The following TEAD1 variants were observed in gnomAD, a reference collection of about 807,000 sequenced individuals.
TEAD1 encodes the protein TEA domain transcription factor 1, also known as transcriptional enhancer factor TEF-1.
In TEAD1, 9 loss-of-function variants were observed where a neutral mutation model predicts 54.9. The ratio of observed to expected loss-of-function variants is 0.16; its 90% confidence interval spans 0.10 to 0.29. TEAD1 has a LOEUF of 0.29. Among genes scored for constraint, TEAD1 ranks in the 10% least tolerant of loss-of-function variants. The pLI, the probability that TEAD1 is intolerant of heterozygous loss-of-function variation, is 1.00. For synonymous variants in TEAD1, 200 were observed against 187.8 expected (o/e 1.07, Z -0.53); for missense variants, 387 against 535.9 (o/e 0.72, Z 2.74).
chr11:12,689,490 T>C (rs1943406364), intron 2 of TEAD1, among the ~76,000 whole-genome samples: 1 of 152,202 alleles, frequency 6.6e-6, no homozygotes, highest in Admixed American at 6.6e-5. Context: ...TTATGGGTTA[T>C]AGTGCAGGTT....
intron 3 of TEAD1, among the ~76,000 whole-genome samples, chr11:12,857,942 CT>C (rs1738602534): frequency 6.6e-6 from 1 of 152,016 alleles, no homozygotes; most frequent in Admixed American, 6.6e-5. Flanking sequence ...AAAAGTTGGT[CT>C]GGTATGGTGG....
chr11:12,875,011 C>G (rs1228778873), intron 5 of TEAD1, among the ~76,000 whole-genome samples: 1 of 152,214 alleles, frequency 6.6e-6, no homozygotes, highest in African/African-American at 2.4e-5. Flanking sequence ...CACGCACGCA[C>G]ACATACACAC....
intron 2 of TEAD1, among the ~76,000 whole-genome samples, chr11:12,724,736 C>A (rs1295107375): frequency 1.3e-5 from 2 of 152,288 alleles, no homozygotes; most frequent in Middle Eastern, 3.4e-3. Flanking sequence ...TCAGTGGGGG[C>A]CCTACTCTGG....
At chr11:12,852,297 A>G (rs903304591) in intron 3 of TEAD1, among the ~76,000 whole-genome samples, 4 of 152,158 alleles carry the variant, frequency 2.6e-5, no homozygotes, top group African/African-American at 9.7e-5. Flanking sequence ...TAGGAAGGCA[A>G]CATAACTAGA....
intron 2 of TEAD1, among the ~76,000 whole-genome samples, chr11:12,720,477 C>T (rs1944170696): frequency 1.3e-5 from 2 of 152,076 alleles, no homozygotes; most frequent in East Asian, 1.9e-4. Flanking sequence ...ATGCCAGGCC[C>T]CTGGTGAGTA....
rs1051625468 is a variant in TEAD1, at chr11:12,902,177, C to T, written c.873+64C>T. 5 of 1,589,722 alleles carry T rather than the reference C, an allele frequency of 3.1e-6. No individual in the cohort carries two copies. The African/African-American group carries it at 6.7e-5, about 21-fold the overall frequency. ...TGAATGGTCACATCTCTTACATGAGCACAGTGCAGCACAGCTGGCTTTGGA... is the reference window on the plus strand; with the variant it reads ...TGAATGGTCACATCTCTTACATGAGTACAGTGCAGCACAGCTGGCTTTGGA... On this transcript the variant is annotated intron_variant, in intron 10 of 12. Transcript: ENST00000527636.
At chr11:12,933,347 A>C (rs1949045496) in intron 12 of TEAD1, among the ~76,000 whole-genome samples, 1 of 152,214 alleles carries the variant, frequency 6.6e-6, no homozygotes, top group Non-Finnish European at 1.5e-5. Flanking sequence ...AACTGAAATT[A>C]AGCCAGCACT....
chr11:12,864,723 T>C, intron 4 of TEAD1, 115 bp from the exon 5 acceptor site: 9 of 1,603,540 alleles, frequency 5.6e-6, no homozygotes, highest in Non-Finnish European at 7.7e-6. Flanking sequence ...AGAAAGAAAG[T>C]TCGAGAAATT....
chr11:12,880,538 G>C (rs552407186), intron 6 of TEAD1, among the ~76,000 whole-genome samples: 86 of 152,322 alleles, frequency 5.6e-4, no homozygotes, highest in African/African-American at 1.9e-3. Flanking sequence ...CAGCAGGGAA[G>C]CTCGCTGCAG....
In TEAD1 at chr11:12,938,138, G is replaced by A. The variant is rs994612930; in HGVS notation, c.*916G>A. Reference sequence around the variant, plus strand: ...GTGTGCAGTTATATTTTATATGGACGACCAAATTTTTTATTAAGATGAGTA... The same window carrying A: ...GTGTGCAGTTATATTTTATATGGACAACCAAATTTTTTATTAAGATGAGTA... On this transcript the variant is annotated 3_prime_UTR_variant, in exon 13 of 13. Transcript: ENST00000527636. 6.6e-6 allele frequency: 1 copy of A among 152,400 alleles called. No individual in the cohort carries two copies. Among genetic ancestry groups the A allele is most frequent in the South Asian group, 2.1e-4 (1 of 4,814 alleles). 9.4% of individuals were successfully genotyped at this position (152,400 alleles called of 1,614,324 possible). A position where few individuals can be genotyped will look rare whatever the true frequency, so the allele number is the denominator to read the frequency against.
chr11:12,710,765 T>A (rs1323843512), intron 2 of TEAD1, among the ~76,000 whole-genome samples: 2 of 151,774 alleles, frequency 1.3e-5, no homozygotes, highest in African/African-American at 4.8e-5. Flanking sequence ...GCGTGACCGG[T>A]GTGAAGATGA....
chr11:12,820,058 G>T (rs1381984514), intron 3 of TEAD1, among the ~76,000 whole-genome samples: 1 of 151,742 alleles, frequency 6.6e-6, no homozygotes, highest in African/African-American at 2.4e-5. Context: ...GTGGGAAGGT[G>T]AAGGGGAGGT....
intron 3 of TEAD1, among the ~76,000 whole-genome samples, chr11:12,854,654 T>A (rs1947336336): frequency 6.6e-6 from 1 of 152,052 alleles, no homozygotes; most frequent in Admixed American, 6.6e-5. Context: ...TACAGTGGTG[T>A]GATCTTGGCT....
At chr11:12,759,212 G>C (rs1453725381) in intron 2 of TEAD1, among the ~76,000 whole-genome samples, 4 of 152,128 alleles carry the variant, frequency 2.6e-5, no homozygotes, top group African/African-American at 9.7e-5. Context: ...GCAAATTCCT[G>C]TGTCCTATCT....
At chr11:12,871,862 G>A (rs918892609) in intron 5 of TEAD1, among the ~76,000 whole-genome samples, 3 of 152,106 alleles carry the variant, frequency 2.0e-5, no homozygotes, top group Non-Finnish European at 4.4e-5. Context: ...TTCACGTCAG[G>A]CTCTGGATGT....
intron 6 of TEAD1, among the ~76,000 whole-genome samples, chr11:12,880,532 A>G (rs1430660377): frequency 6.6e-6 from 1 of 152,176 alleles, no homozygotes; most frequent in Non-Finnish European, 1.5e-5. Context: ...CAATCGCAGC[A>G]GGGAAGCTCG....
At chr11:12,836,568 A>G (rs1489089091) in intron 3 of TEAD1, among the ~76,000 whole-genome samples, 1 of 152,142 alleles carries the variant, frequency 6.6e-6, no homozygotes, top group African/African-American at 2.4e-5. Context: ...CTTGGAGGAG[A>G]GAGCGGGTTT....
chr11:12,817,075 A>G (rs376804030), intron 3 of TEAD1, among the ~76,000 whole-genome samples: 2 of 152,204 alleles, frequency 1.3e-5, no homozygotes, highest in East Asian at 3.9e-4. Flanking sequence ...AACCTCGCGC[A>G]GGGCACTCCT....
chr11:12,786,563 A>G (rs1299822350), intron 3 of TEAD1, among the ~76,000 whole-genome samples: 2 of 152,230 alleles, frequency 1.3e-5, no homozygotes, highest in Non-Finnish European at 2.9e-5. Context: ...TATATTTTAT[A>G]TAGCAACTCT....
Sources: allele counts gnomAD v4.1 joint callset (sites outside exome capture counted in the v4.1 genomes callset), GRCh38; gene constraint gnomAD v4.1.1; transcripts MANE v1.5; gene names NCBI Gene and HGNC (gene_info 2026-07-23, HGNC 2026-07-21).